BOC: variants seen among roughly 807,000 people sequenced by gnomAD.
The protein encoded by BOC is brother of CDO.
In BOC, 76 loss-of-function variants were observed where a neutral mutation model predicts 112.0. The observed-to-expected ratio is 0.68, with a 90% CI of 0.56 to 0.82. The LOEUF (loss-of-function observed/expected upper bound fraction) is 0.82, where lower values mean the gene tolerates loss of function less well. Among genes scored for constraint, BOC ranks in the 40% least tolerant of loss-of-function variants. The pLI is 0.00. For missense variants in BOC, 1,309 were observed against 1,511.7 expected, an observed-to-expected ratio of 0.87 and a Z score of 2.22; for synonymous variants, 580 against 599.8, an observed-to-expected ratio of 0.97 and a Z score of 0.48.
chr3:113,248,603 T>C (rs1314596776), intron 2 of BOC, among the ~76,000 whole-genome samples: 6 of 152,228 alleles, frequency 3.9e-5, no homozygotes, highest in African/African-American at 1.2e-4. Context: ...ACCCCATCCT[T>C]ATTTGTTAAT....
intron 5 of BOC, 53 bp downstream of exon 5, chr3:113,268,498 C>A: frequency 6.4e-7 from 1 of 1,563,308 alleles, no homozygotes; most frequent in Non-Finnish European, 8.7e-7. Flanking sequence ...GGAAGCTGGC[C>A]TCCTCCAACC....
intron 9 of BOC, among the ~76,000 whole-genome samples, chr3:113,275,337 C>T (rs1208777428): frequency 2.0e-5 from 3 of 152,190 alleles, no homozygotes; most frequent in Non-Finnish European, 4.4e-5. Context: ...GAGGGAGTCT[C>T]GGGCTCTGAC....
At chr3:113,217,907 A>C (rs1939775179) in intron 2 of BOC, among the ~76,000 whole-genome samples, 1 of 152,144 alleles carries the variant, frequency 6.6e-6, no homozygotes, top group South Asian at 2.1e-4. Context: ...TTTTGTAAAA[A>C]TTTTCATCTA....
intron 2 of BOC, among the ~76,000 whole-genome samples, chr3:113,229,274 A>G (rs1576346506): frequency 6.6e-6 from 1 of 152,218 alleles, no homozygotes; most frequent in South Asian, 2.1e-4. Context: ...GGACCCTTGG[A>G]TGGCCAACGG....
At chr3:113,241,046 G>T (rs1944225014) in intron 2 of BOC, among the ~76,000 whole-genome samples, 1 of 152,220 alleles carries the variant, frequency 6.6e-6, no homozygotes, top group Non-Finnish European at 1.5e-5. Flanking sequence ...CTCTGCCCCT[G>T]TAGGGGTTTA....
At chr3:113,218,210 C>T (rs1026041152) in intron 2 of BOC, among the ~76,000 whole-genome samples, 2 of 152,218 alleles carry the variant, frequency 1.3e-5, no homozygotes, top group African/African-American at 4.8e-5. Context: ...ACCAAGTCTA[C>T]GTTGGAACTG....
intron 2 of BOC, among the ~76,000 whole-genome samples, chr3:113,237,751 G>GA (rs900331954): frequency 3.3e-5 from 5 of 151,724 alleles, no homozygotes; most frequent in African/African-American, 7.3e-5. Flanking sequence ...TTCCCCCCAG[G>GA]AAAAAAAATT....
chr3:113,226,243 T>A (rs1941640431), intron 2 of BOC, among the ~76,000 whole-genome samples: 1 of 152,184 alleles, frequency 6.6e-6, no homozygotes, highest in Admixed American at 6.5e-5. Flanking sequence ...ACAGTAGGCT[T>A]ATCCAGAACC....
intron 2 of BOC, among the ~76,000 whole-genome samples, chr3:113,232,725 G>A (rs1244770772): frequency 6.6e-6 from 1 of 152,170 alleles, no homozygotes; most frequent in Non-Finnish European, 1.5e-5. Context: ...GTGAAGTACT[G>A]GGGATGAATC....
chr3:113,258,425 G>T (rs1340926020), intron 4 of BOC, among the ~76,000 whole-genome samples: 1 of 151,730 alleles, frequency 6.6e-6, no homozygotes, highest in Non-Finnish European at 1.5e-5. Flanking sequence ...TTTCTCTTTG[G>T]GTATGAACAT....
In BOC at chr3:113,270,863, G is replaced by A; in HGVS notation, c.586G>A (p.Gly196Ser). The change falls in exon 6 of 20, where the codon GGC becomes AGC. Residue 196 changes from glycine (G) to serine (S), a missense_variant. Physicochemically the swap from Gly to Ser is moderately conservative, Grantham distance 56. Coordinates refer to ENST00000682979, the MANE Select transcript of BOC (RefSeq NM_001378074.1). ...QIVNASQEDE[G>S]MYKCAAYNPV... The stretch of plus-strand genomic sequence containing the variant: ...TGTGAATGCCAGCCAGGAGGACGAG[G>A]GCATGTACAAGTGTGCAGCCTACAA... The A allele has an allele frequency of 1.2e-6, 2 of 1,614,190 alleles. No homozygotes were observed. Among genetic ancestry groups the A allele is most frequent in the Non-Finnish European group, 1.7e-6 (2 of 1,180,032 alleles).
chr3:113,235,377 G>A (rs1169835374), intron 2 of BOC, among the ~76,000 whole-genome samples: 1 of 152,196 alleles, frequency 6.6e-6, no homozygotes, highest in East Asian at 1.9e-4. Flanking sequence ...CACTGAATGA[G>A]GTCAGAGGTG....
chr3:113,216,634 C>T (rs1008658002), intron 2 of BOC, among the ~76,000 whole-genome samples: 1 of 152,204 alleles, frequency 6.6e-6, no homozygotes, highest in Non-Finnish European at 1.5e-5. Flanking sequence ...CAGCAAATGC[C>T]TTGTGGTCTG....
At chr3:113,261,968 G>GTT (rs1559855984) in intron 4 of BOC, 3 of 150,226 alleles carry the variant, frequency 2.0e-5, no homozygotes, top group South Asian at 4.2e-4. Flanking sequence ...ATCTACAAAG[G>GTT]TTTGTTTTTT....
In BOC at chr3:113,250,554, G is replaced by C. The variant is rs769107624; in HGVS notation, c.98-1G>C. Reference sequence around the variant, plus strand: ...TTGCTGCATCCCTGTTCTTCCTCCAGACGAGGTCCCTCAGGTCACCGTCCA... The same window carrying C: ...TTGCTGCATCCCTGTTCTTCCTCCACACGAGGTCCCTCAGGTCACCGTCCA... On this transcript the variant is annotated splice_acceptor_variant, in intron 3 of 19. Transcript: ENST00000682979. LOFTEE classifies it high-confidence loss of function. The C allele has an allele frequency of 1.2e-6, 2 of 1,607,490 alleles. No individual in the cohort carries two copies. The highest frequency in any genetic ancestry group is 1.7e-5 in the Admixed American group (1 of 59,526).
At position 113,281,149 on chromosome 3, in the gene BOC, C is replaced by A. The variant is rs1277799940; in HGVS notation, c.2430C>A (p.Thr810=). The A allele has an allele frequency of 6.2e-7, 1 of 1,613,960 alleles. No individual in the cohort carries two copies. Among genetic ancestry groups the A allele is most frequent in the African/African-American group, 1.3e-5 (1 of 75,012 alleles). ...TCAGCAACGTGATGATCTGTGAGAC[C>A]AAAGGTGAAGCTCTTTGGGTTCTCT... ...SEFSNVMICE[T]KARKSSGQPG... is the part of the protein sequence containing the mutation. The change falls in exon 15 of 20, where the codon ACC becomes ACA. Residue 810 remains threonine (T), a synonymous_variant. Transcript: ENST00000682979.
At chr3:113,255,886 A>G (rs1424576549) in intron 4 of BOC, among the ~76,000 whole-genome samples, 1 of 152,268 alleles carries the variant, frequency 6.6e-6, no homozygotes, top group Admixed American at 6.5e-5. Flanking sequence ...CCAAACTGGT[A>G]TAATGGAAAA....
chr3:113,257,697 G>A (rs1396936279), intron 4 of BOC, among the ~76,000 whole-genome samples: 1 of 151,896 alleles, frequency 6.6e-6, no homozygotes, highest in Non-Finnish European at 1.5e-5. Flanking sequence ...TTTCTTCCCA[G>A]AATATATTTT....
chr3:113,229,621 G>A (rs572105920), intron 2 of BOC, among the ~76,000 whole-genome samples: 96 of 152,328 alleles, frequency 6.3e-4, no homozygotes, highest in African/African-American at 2.1e-3. Context: ...TGAAGAATCT[G>A]AAAATCCAGA....
Sources: allele counts gnomAD v4.1 joint callset (sites outside exome capture counted in the v4.1 genomes callset), GRCh38; gene constraint gnomAD v4.1.1; transcripts MANE v1.5; gene names NCBI Gene and HGNC (gene_info 2026-07-23, HGNC 2026-07-21).